Variants in TENM2 observed in about 807,000 individuals in gnomAD.
TENM2 encodes the protein teneurin-2.
In TENM2, 52 loss-of-function variants were observed where a neutral mutation model predicts 245.2. That is an observed-to-expected ratio of 0.21 (90% CI 0.17 to 0.27). The LOEUF is 0.27. Ranked by LOEUF, TENM2 falls within the 10% of genes least tolerant of loss-of-function variation. The pLI is 1.00. For missense variants in TENM2, 3,046 were observed against 3,666.8 expected, an observed-to-expected ratio of 0.83 and a Z score of 4.37; for synonymous variants, 1,363 against 1,438.9, an observed-to-expected ratio of 0.95 and a Z score of 1.19.
At chr5:167,842,851 A>G (rs373272530) in intron 2 of TENM2, among the ~76,000 whole-genome samples, 11 of 152,288 alleles carry the variant, frequency 7.2e-5, no homozygotes, top group African/African-American at 2.4e-4. Context: ...GGATGAGGCC[A>G]GTGGCGCACA....
At chr5:167,063,140 A>G in the TENM2 span, among the ~76,000 whole-genome samples, 691 of 152,144 alleles carry the variant, frequency 4.5e-3, 9 homozygotes, top group South Asian at 0.022. Flanking sequence ...CAAGTATAAG[A>G]ATGTCTTTTG....
the TENM2 span, among the ~76,000 whole-genome samples, chr5:166,993,111 T>C: frequency 6.6e-6 from 1 of 152,030 alleles, no homozygotes; most frequent in South Asian, 2.1e-4. Context: ...TTCCTTGGTA[T>C]TTAAGCAACT....
intron 2 of TENM2, among the ~76,000 whole-genome samples, chr5:167,611,340 G>T (rs1777465918): frequency 6.6e-6 from 1 of 152,048 alleles, no homozygotes; most frequent in African/African-American, 2.4e-5. Flanking sequence ...GGTGCCCAGT[G>T]CCCACAGGCT....
At chr5:167,680,450 G>C (rs1561665961) in intron 2 of TENM2, among the ~76,000 whole-genome samples, 1 of 152,158 alleles carries the variant, frequency 6.6e-6, no homozygotes, top group Non-Finnish European at 1.5e-5. Context: ...TAGAAATGAA[G>C]TGGGGAGATT....
intron 24 of TENM2, among the ~76,000 whole-genome samples, chr5:168,226,714 G>A (rs905657285): frequency 5.3e-5 from 8 of 152,242 alleles, no homozygotes; most frequent in Admixed American, 4.6e-4. Context: ...TGAGTTGGTT[G>A]CCCTGGGACT....
intron 2 of TENM2, among the ~76,000 whole-genome samples, chr5:167,637,047 G>A (rs974923028): frequency 3.3e-5 from 5 of 152,130 alleles, no homozygotes; most frequent in African/African-American, 1.2e-4. Context: ...CATTGCCTCT[G>A]TTGCTCATGC....
chr5:167,697,592 C>G (rs1336784688), intron 2 of TENM2, among the ~76,000 whole-genome samples: 2 of 152,154 alleles, frequency 1.3e-5, no homozygotes, highest in African/African-American at 4.8e-5. Context: ...GTGGCACCAT[C>G]TCGGCTCACT....
At chr5:168,011,898 A>G (rs1459576242) in intron 5 of TENM2, among the ~76,000 whole-genome samples, 1 of 152,238 alleles carries the variant, frequency 6.6e-6, no homozygotes, top group Non-Finnish European at 1.5e-5. Flanking sequence ...TATCTGACCT[A>G]AATGTCGCAG....
intron 2 of TENM2, among the ~76,000 whole-genome samples, chr5:167,740,923 C>T (rs188168651): frequency 6.6e-5 from 10 of 152,234 alleles, no homozygotes; most frequent in South Asian, 6.2e-4. Flanking sequence ...ACCCTGCAGA[C>T]GTGCCAAGCT....
chr5:167,484,079 G>T (rs1385663441), intron 2 of TENM2, among the ~76,000 whole-genome samples: 5 of 152,176 alleles, frequency 3.3e-5, no homozygotes, highest in Admixed American at 2.6e-4. Flanking sequence ...GGGCGTGGTG[G>T]CTCACGCCTG....
At chr5:167,872,322 GAAA>G (rs754881885) in intron 2 of TENM2, among the ~76,000 whole-genome samples, 5 of 47,068 alleles carry the variant, frequency 1.1e-4, no homozygotes, top group Non-Finnish European at 1.9e-4. Context: ...AAGAAAGAAA[GAAA>G]GAAAGAAAGA....
At chr5:167,602,104 A>C (rs963165207) in intron 2 of TENM2, among the ~76,000 whole-genome samples, 4 of 151,676 alleles carry the variant, frequency 2.6e-5, no homozygotes, top group Non-Finnish European at 4.4e-5. Flanking sequence ...TGCTATGATC[A>C]TTAAAGTTGC....
At chr5:168,043,155 G>A (rs1788342232) in intron 5 of TENM2, among the ~76,000 whole-genome samples, 3 of 152,174 alleles carry the variant, frequency 2.0e-5, no homozygotes, top group Non-Finnish European at 4.4e-5. Context: ...AGTGCATCCA[G>A]GATCTCTTGA....
At chr5:167,103,549 T>G in the TENM2 span, among the ~76,000 whole-genome samples, 1 of 152,230 alleles carries the variant, frequency 6.6e-6, no homozygotes, top group Admixed American at 6.5e-5. Context: ...GAATTATCGC[T>G]AGAATCCTGG....
chr5:167,255,521 A>G, the TENM2 span, among the ~76,000 whole-genome samples: 1 of 152,190 alleles, frequency 6.6e-6, no homozygotes, highest in Non-Finnish European at 1.5e-5. Flanking sequence ...CAAGCCGACT[A>G]TAAACTCCTG....
chr5:167,088,648 AG>A, the TENM2 span, among the ~76,000 whole-genome samples: 3 of 130,048 alleles, frequency 2.3e-5, no homozygotes, highest in Admixed American at 1.5e-4. Flanking sequence ...AAAAGAAAAA[AG>A]AAAAAAAAAC....
chr5:167,539,113 T>A (rs745693964), intron 2 of TENM2, among the ~76,000 whole-genome samples: 2 of 152,146 alleles, frequency 1.3e-5, no homozygotes, highest in Non-Finnish European at 2.9e-5. Flanking sequence ...ATGACCAGCA[T>A]TCACAGGTGA....
At chr5:167,355,864 C>T (rs1759275264) in intron 1 of TENM2, among the ~76,000 whole-genome samples, 1 of 131,780 alleles carries the variant, frequency 7.6e-6, no homozygotes, top group Admixed American at 8.6e-5. Flanking sequence ...AGAAATGACC[C>T]TTAATTTTTT....
intron 3 of TENM2, among the ~76,000 whole-genome samples, chr5:167,950,993 C>T (rs1343260766): frequency 2.0e-5 from 3 of 152,174 alleles, no homozygotes; most frequent in Admixed American, 1.3e-4. Flanking sequence ...AAACAAAAAT[C>T]ACCCAAATAA....
Sources: allele counts gnomAD v4.1 joint callset (sites outside exome capture counted in the v4.1 genomes callset), GRCh38; gene constraint gnomAD v4.1.1; transcripts MANE v1.5; gene names NCBI Gene and HGNC (gene_info 2026-07-23, HGNC 2026-07-21).